IL17REL: variants seen among roughly 807,000 people sequenced by gnomAD.
The protein encoded by IL17REL is interleukin 17 receptor E like.
In IL17REL, 36 loss-of-function variants were observed where a neutral mutation model predicts 49.0. The observed-to-expected ratio is 0.73, with a 90% CI of 0.56 to 0.97. The LOEUF (loss-of-function observed/expected upper bound fraction) is 0.97. Among genes scored for constraint, IL17REL ranks in the 50% least tolerant of loss-of-function variants. IL17REL has a pLI of 0.00. For missense variants in IL17REL, 470 were observed against 453.9 expected, an observed-to-expected ratio of 1.04 and a Z score of -0.32; for synonymous variants, 206 against 192.4, an observed-to-expected ratio of 1.07 and a Z score of -0.58.
intron 1 of IL17REL, among the ~76,000 whole-genome samples, chr22:50,007,000 T>C (rs1205395548): frequency 6.7e-6 from 1 of 149,840 alleles, no homozygotes; most frequent in Admixed American, 6.7e-5. Flanking sequence ...AAAAAACCTA[T>C]ATGACAATTT....
At chr22:50,000,922 C>T (rs1037075718) in intron 2 of IL17REL, 59 bp from the exon 4 acceptor site, 18 of 1,375,880 alleles carry the variant, frequency 1.3e-5, no homozygotes, top group African/African-American at 1.2e-4. Flanking sequence ...TGGCTCCGGA[C>T]GGGGCCGTGG....
At chr22:49,997,459 G>A (rs769232166) in intron 10 of IL17REL, 22 of 1,575,744 alleles carry the variant, frequency 1.4e-5, no homozygotes, top group Middle Eastern at 1.7e-4. Context: ...CTTTGTGGGC[G>A]AAGGCTGGAT....
chr22:50,006,837 C>A (rs2061113030), intron 1 of IL17REL, among the ~76,000 whole-genome samples: 1 of 151,712 alleles, frequency 6.6e-6, no homozygotes, highest in Non-Finnish European at 1.5e-5. Context: ...TGCCTGTAAT[C>A]CCAGCTACTC....
At chr22:50,007,855 A>AAC (rs2061118564) in intron 1 of IL17REL, among the ~76,000 whole-genome samples, 1 of 151,966 alleles carries the variant, frequency 6.6e-6, no homozygotes, top group African/African-American at 2.4e-5. Context: ...AGTAAAAATA[A>AAC]AATAGTTTAA....
intron 7 of IL17REL, among the ~76,000 whole-genome samples, chr22:49,998,573 G>T (rs1452954562): frequency 6.6e-6 from 1 of 151,500 alleles, no homozygotes; most frequent in African/African-American, 2.4e-5. Context: ...GTGCCTGCCT[G>T]TGCATGGGTG....
At chr22:50,009,782 C>T (rs563763533), upstream of IL17REL, among the ~76,000 whole-genome samples, 43 of 152,358 alleles carry the variant, frequency 2.8e-4, no homozygotes, top group African/African-American at 1.0e-3. Context: ...GCTACACCTC[C>T]TTCTAAATAT....
At chr22:49,994,803 G>A (rs1330890522) in exon 13 of IL17REL, 1 of 152,462 alleles carries the variant, frequency 6.6e-6, no homozygotes, top group Non-Finnish European at 1.5e-5. Context: ...GGAAGCCGGA[G>A]AGCCTACGTG....
At chr22:50,010,990 G>T (rs963852418), upstream of IL17REL, among the ~76,000 whole-genome samples, 22 of 139,826 alleles carry the variant, frequency 1.6e-4, no homozygotes, top group East Asian at 4.9e-3. Context: ...GCCTCCCGCC[G>T]TCACCCGCGC....
At chr22:50,001,252 T>C (rs2061078598) in intron 1 of IL17REL, 21 bp from the exon 3 acceptor site, 6 of 1,087,274 alleles carry the variant, frequency 5.5e-6, no homozygotes, top group Non-Finnish European at 8.2e-6. Context: ...AGAAGGAGCG[T>C]GAGGCCTCGA....
Position 49,999,298 on chromosome 22 carries a change from A to G in IL17REL, c.594T>C (p.Phe198=), listed in dbSNP as rs750168754. Reference sequence around the variant, plus strand: ...GCATCGCAGGACACTTGCCGTTTTCAAAGGGGCAGATCTGGATCCGCACCG... The same window carrying G: ...GCATCGCAGGACACTTGCCGTTTTCGAAGGGGCAGATCTGGATCCGCACCG... The change falls in exon 7 of 13, where the codon TTT becomes TTC. Residue 198 remains phenylalanine (F), a synonymous_variant. Coordinates refer to ENST00000341280, the Ensembl canonical transcript of IL17REL. 1.3e-5 allele frequency: 21 copies of G among 1,612,968 alleles called. No individual in the cohort carries two copies. The East Asian group carries it at 4.5e-4, about 34-fold the overall frequency.
chr22:49,996,822 C>G (rs1208970943), exon 13 of IL17REL: 4 of 535,936 alleles, frequency 7.5e-6, no homozygotes, highest in Non-Finnish European at 1.3e-5. Context: ...GGTTGCAGAG[C>G]TGCTGGGGGA....
At chr22:50,008,582 GCCTGGGGTGGGGAGT>G (rs775650290) in intron 1 of IL17REL, 40 bp downstream of exon 2, 9 of 152,586 alleles carry the variant, frequency 5.9e-5, no homozygotes, top group Non-Finnish European at 1.3e-4. Flanking sequence ...GGCCCTGGTA[GCCTGGGGTGGGGAGT>G]CCAGGCCCTG....
downstream of IL17REL, among the ~76,000 whole-genome samples, chr22:49,993,341 C>T (rs1850659675): frequency 1.3e-5 from 2 of 152,198 alleles, no homozygotes; most frequent in South Asian, 4.1e-4. The surrounding 1 kb of genome is among the most constrained non-coding windows in gnomAD (Gnocchi z 6.0). Flanking sequence ...TGCTCCTGCC[C>T]GCCCCTACCG....
downstream of IL17REL, among the ~76,000 whole-genome samples, chr22:49,993,567 G>A (rs1486360305): frequency 6.6e-6 from 1 of 152,196 alleles, no homozygotes; most frequent in Non-Finnish European, 1.5e-5. This position sits in a 1 kb window ranked among gnomAD's most constrained non-coding sequence, Gnocchi z 6.0. Flanking sequence ...GCACGCGTGT[G>A]TCCTCCAGCA....
chr22:49,996,907 G>C, intron 12 of IL17REL, 47 bp from the exon 15 acceptor site: 1 of 666,784 alleles, frequency 1.5e-6, no homozygotes, highest in Non-Finnish European at 2.5e-6. Context: ...TGCTTCCCCC[G>C]GGGATGGGGG....
At chr22:49,999,329 G>A in exon 7 of IL17REL, 2 of 1,613,002 alleles carry the variant, frequency 1.2e-6, no homozygotes, top group Non-Finnish European at 1.7e-6. Context: ...CACCGCGTCA[G>A]GGGTCGCAGA....
downstream of IL17REL, among the ~76,000 whole-genome samples, chr22:49,994,267 G>C (rs533798915): frequency 2.2e-3 from 327 of 151,992 alleles, 4 homozygotes; most frequent in African/African-American, 7.7e-3. Flanking sequence ...TCCACCACTG[G>C]TCCTTTATGG....
chr22:49,997,959 T>TC (rs1243678570), intron 9 of IL17REL, 66 bp downstream of exon 11: 1 of 1,365,712 alleles, frequency 7.3e-7, no homozygotes, highest in African/African-American at 1.5e-5. Flanking sequence ...CCTGCCCCAC[T>TC]CCCCGCCCTG....
At chr22:50,002,652 G>A (rs1168928569) in intron 1 of IL17REL, among the ~76,000 whole-genome samples, 3 of 152,040 alleles carry the variant, frequency 2.0e-5, no homozygotes, top group Non-Finnish European at 2.9e-5. Context: ...GCACCACCAC[G>A]CCCAGCTAAT....
Sources: allele counts gnomAD v4.1 joint callset (sites outside exome capture counted in the v4.1 genomes callset), GRCh38; gene constraint gnomAD v4.1.1; non-coding constraint Gnocchi (gnomAD v3.1); transcripts MANE v1.5; gene names NCBI Gene and HGNC (gene_info 2026-07-23, HGNC 2026-07-21).